Variants in ADARB2 observed in about 807,000 individuals in gnomAD.
ADARB2 encodes adenosine deaminase RNA specific B2 (inactive).
A neutral mutation model predicts 62.2 loss-of-function variants in ADARB2; 25 were observed. That is an observed-to-expected ratio of 0.40 (90% CI 0.29 to 0.56). ADARB2 has a LOEUF of 0.56. Ranked by LOEUF, ADARB2 falls within the 20% of genes least tolerant of loss-of-function variation. The pLI is 0.43. For synonymous variants in ADARB2, 572 were observed against 500.8 expected, an observed-to-expected ratio of 1.14 and a Z score of -1.90; for missense variants, 1,071 against 1,077.4, an observed-to-expected ratio of 0.99 and a Z score of 0.08.
At chr10:1,200,459 T>A in intron 7 of ADARB2, 1 of 477,686 alleles carries the variant, frequency 2.1e-6, no homozygotes, top group Non-Finnish European at 3.7e-6. Flanking sequence ...AAAAAGATAC[T>A]CTGTCCCAAA....
At chr10:1,557,442 G>T (rs967597730) in intron 1 of ADARB2, among the ~76,000 whole-genome samples, 1 of 152,062 alleles carries the variant, frequency 6.6e-6, no homozygotes, top group Non-Finnish European at 1.5e-5. Context: ...TCGCAGCCAC[G>T]GTCCTCCAAC....
At chr10:1,733,915 A>T (rs1835266039) in intron 1 of ADARB2, among the ~76,000 whole-genome samples, 1 of 152,030 alleles carries the variant, frequency 6.6e-6, no homozygotes, top group African/African-American at 2.4e-5. Flanking sequence ...CAGGCGCGGG[A>T]CACACTGACG....
chr10:1,552,803 C>G (rs1034676670), intron 1 of ADARB2, among the ~76,000 whole-genome samples: 6 of 152,180 alleles, frequency 3.9e-5, no homozygotes, highest in Non-Finnish European at 7.3e-5. Flanking sequence ...CTGGTCCTGC[C>G]GGACACTCAC....
At chr10:1,715,438 TGAGA>T (rs924400779) in intron 1 of ADARB2, among the ~76,000 whole-genome samples, 11 of 152,182 alleles carry the variant, frequency 7.2e-5, no homozygotes, top group African/African-American at 2.7e-4. Flanking sequence ...AGATTTTGAT[TGAGA>T]AACTTTCAAG....
intron 1 of ADARB2, among the ~76,000 whole-genome samples, chr10:1,682,162 A>G (rs910213053): frequency 2.0e-5 from 3 of 152,312 alleles, no homozygotes; most frequent in Non-Finnish European, 2.9e-5. Flanking sequence ...AGGTGCAAAA[A>G]TCATGAATGA....
intron 3 of ADARB2, among the ~76,000 whole-genome samples, chr10:1,316,063 C>G (rs1187047575): frequency 6.6e-6 from 1 of 152,214 alleles, no homozygotes; most frequent in African/African-American, 2.4e-5. Flanking sequence ...ATTTTGGGCA[C>G]TCACAAATGT....
chr10:1,491,189 C>A (rs1831617279), intron 1 of ADARB2, among the ~76,000 whole-genome samples: 1 of 152,156 alleles, frequency 6.6e-6, no homozygotes, highest in African/African-American at 2.4e-5. Flanking sequence ...CCACCTCAGC[C>A]TCCCAAGTAG....
intron 1 of ADARB2, among the ~76,000 whole-genome samples, chr10:1,604,317 A>C (rs1206876374): frequency 6.6e-6 from 1 of 152,206 alleles, no homozygotes; most frequent in African/African-American, 2.4e-5. Flanking sequence ...TCTCATTTTA[A>C]TCTTTACAAG....
intron 3 of ADARB2, among the ~76,000 whole-genome samples, chr10:1,314,323 C>A (rs1293338610): frequency 6.6e-6 from 1 of 152,008 alleles, no homozygotes; most frequent in African/African-American, 2.4e-5. Flanking sequence ...CAGCTGGACT[C>A]TACTTGCCCC....
intron 3 of ADARB2, among the ~76,000 whole-genome samples, chr10:1,346,497 A>G (rs928705124): frequency 6.6e-6 from 1 of 152,206 alleles, no homozygotes; most frequent in African/African-American, 2.4e-5. Context: ...ACTGGCTTTC[A>G]GTGTTACTGA....
chr10:1,566,135 G>T (rs1832860731), intron 1 of ADARB2, among the ~76,000 whole-genome samples: 2 of 149,150 alleles, frequency 1.3e-5, no homozygotes, highest in South Asian at 4.2e-4. Context: ...GTGAGTGTGT[G>T]TGTATCTAGT....
chr10:1,222,731 T>G (rs879936378), intron 6 of ADARB2, among the ~76,000 whole-genome samples: 2 of 149,546 alleles, frequency 1.3e-5, no homozygotes, highest in Admixed American at 6.6e-5. Context: ...GTTGTAGATA[T>G]GCGGCATTAT....
chr10:1,592,953 C>T (rs11250652), intron 1 of ADARB2, among the ~76,000 whole-genome samples: 403 of 12,722 alleles, frequency 0.032, no homozygotes, highest in Non-Finnish European at 0.037. Context: ...CAGCTTCCCT[C>T]GCCCAAGCCA....
intron 6 of ADARB2, among the ~76,000 whole-genome samples, chr10:1,228,752 C>A (rs1007630719): frequency 6.6e-6 from 1 of 152,222 alleles, no homozygotes; most frequent in Non-Finnish European, 1.5e-5. Flanking sequence ...ACCACGAACA[C>A]TTTTCATTCC....
chr10:1,241,269 A>G (rs1564232792), intron 5 of ADARB2, among the ~76,000 whole-genome samples: 1 of 152,022 alleles, frequency 6.6e-6, no homozygotes. Context: ...AAAAAAAAAG[A>G]ATGAGCTGAG....
intron 3 of ADARB2, among the ~76,000 whole-genome samples, chr10:1,351,060 C>T (rs945062224): frequency 8.5e-5 from 13 of 152,112 alleles, no homozygotes; most frequent in Admixed American, 3.9e-4. Context: ...AAGGAATGCC[C>T]GCAACCCAGG....
intron 3 of ADARB2, among the ~76,000 whole-genome samples, chr10:1,327,600 C>T (rs1387108902): frequency 1.1e-4 from 12 of 111,766 alleles, no homozygotes; most frequent in African/African-American, 3.9e-4. Context: ...CACTGCACAG[C>T]GCCTCCTCAC....
At chr10:1,422,127 T>C (rs760212621) in intron 1 of ADARB2, among the ~76,000 whole-genome samples, 26 of 152,174 alleles carry the variant, frequency 1.7e-4, no homozygotes, top group Non-Finnish European at 3.8e-4. Context: ...GGCTCTTAAC[T>C]TCCACGAGTT....
rs959348786 is a variant in ADARB2, at chr10:1,642,791, ACACT to A, written c.100+94256_100+94259del. ...CACTCCCTCACTCACACACCCACTCACACTCAGTATTCAGACACACATCCACACT... is the reference window on the plus strand; with the variant it reads ...CACTCCCTCACTCACACACCCACTCACAGTATTCAGACACACATCCACACT... On this transcript the variant is annotated intron_variant, in intron 1 of 9. Coordinates refer to ENST00000381312, the MANE Select transcript of ADARB2 (RefSeq NM_018702.4). Among the ~76,000 whole-genome samples, 5 of 151,842 alleles carry A rather than the reference ACACT, an allele frequency of 3.3e-5. No homozygotes were observed. In the East Asian group the frequency reaches 5.8e-4, roughly 18 times the overall value.
Sources: allele counts gnomAD v4.1 joint callset (sites outside exome capture counted in the v4.1 genomes callset), GRCh38; gene constraint gnomAD v4.1.1; transcripts MANE v1.5; gene names NCBI Gene and HGNC (gene_info 2026-07-23, HGNC 2026-07-21).